GRIP1: variants seen among roughly 807,000 people sequenced by gnomAD.
GRIP1 encodes the protein glutamate receptor interacting protein 1.
In GRIP1, 45 loss-of-function variants were observed where a neutral mutation model predicts 129.9. The ratio of observed to expected loss-of-function variants is 0.35; its 90% CI spans 0.27 to 0.44. GRIP1 has a LOEUF of 0.44. GRIP1 is among the 20% of genes least tolerant of loss of function. GRIP1 has a pLI of 1.00. For synonymous variants in GRIP1, 530 were observed against 520.8 expected (o/e 1.02, Z -0.24); for missense variants, 1,196 against 1,396.8 (o/e 0.86, Z 2.29).
chr12:66,792,080 T>C lies in GRIP1; in HGVS notation c.-420+11973A>G, dbSNP rs370291436. ...TGAAACTTTTGAGGAGAAAAATAGA[T>C]ACAAAAATAGAGAAAGAACCTGATA... is the stretch of plus-strand genomic sequence containing the variant. On this transcript the variant is annotated intron_variant, in intron 1 of 4. Transcript: ENST00000538373. Among the ~76,000 whole-genome samples the C allele has an allele frequency of 7.1e-4, 108 of 152,196 alleles. 2 individuals carry two copies. The highest frequency in any genetic ancestry group is 3.4e-3 in the Middle Eastern group (1 of 294).
chr12:66,559,309 A>G (rs536187843), intron 2 of GRIP1, among the ~76,000 whole-genome samples: 10 of 152,316 alleles, frequency 6.6e-5, no homozygotes, highest in African/African-American at 2.2e-4. Context: ...CTGTTATTCA[A>G]CATAGTACTG....
At chr12:66,737,958 G>C (rs536850430) in intron 1 of GRIP1, among the ~76,000 whole-genome samples, 1 of 152,248 alleles carries the variant, frequency 6.6e-6, no homozygotes, top group East Asian at 1.9e-4. Flanking sequence ...ATACTAATGG[G>C]AGCTGACCAG....
chr12:66,387,429 C>T (rs2056403755), intron 19 of GRIP1, among the ~76,000 whole-genome samples: 1 of 152,178 alleles, frequency 6.6e-6, no homozygotes, highest in African/African-American at 2.4e-5. Context: ...TGTTTGGTAC[C>T]TTGGAAACAG....
At chr12:66,637,763 CA>C (rs2031541944) in intron 1 of GRIP1, among the ~76,000 whole-genome samples, 1 of 152,044 alleles carries the variant, frequency 6.6e-6, no homozygotes, top group Admixed American at 6.6e-5. Flanking sequence ...AATTTTCCAG[CA>C]TATCTGTCTA....
chr12:66,349,280 GT>G, intron 24 of GRIP1, 34 bp from the exon 25 acceptor site: 1 of 1,517,438 alleles, frequency 6.6e-7, no homozygotes, highest in South Asian at 1.1e-5. Flanking sequence ...TTGAATTATC[GT>G]TGTAACCATA....
chr12:66,957,979 T>C (rs1399569972), intron 1 of GRIP1, among the ~76,000 whole-genome samples: 3 of 152,162 alleles, frequency 2.0e-5, no homozygotes, highest in Non-Finnish European at 4.4e-5. Flanking sequence ...GCTTATTCAA[T>C]TATGTATTTT....
intron 7 of GRIP1, among the ~76,000 whole-genome samples, chr12:66,498,491 G>A (rs78785137): frequency 0.012 from 1,846 of 152,204 alleles, 43 homozygotes; most frequent in East Asian, 0.1. Context: ...TTTTCTACCT[G>A]GGCAAGTTAT....
At chr12:67,047,871 C>T (rs1336179200) in intron 1 of GRIP1, among the ~76,000 whole-genome samples, 1 of 152,198 alleles carries the variant, frequency 6.6e-6, no homozygotes, top group East Asian at 1.9e-4. Context: ...TTCTCCAAAG[C>T]ACTACCTGTT....
chr12:66,810,567 A>G (rs933735445), intron 1 of GRIP1, among the ~76,000 whole-genome samples: 2 of 146,222 alleles, frequency 1.4e-5, no homozygotes, highest in African/African-American at 5.2e-5. Flanking sequence ...CAAGGAAAAA[A>G]AAGAGTTTTT....
chr12:66,525,281 A>G (rs7958619), intron 5 of GRIP1, among the ~76,000 whole-genome samples: 1 of 151,562 alleles, frequency 6.6e-6, no homozygotes, highest in Admixed American at 6.6e-5. Flanking sequence ...AAAATCCTCA[A>G]TAAAATACTG....
At chr12:66,667,474 A>T (rs1165043063) in intron 1 of GRIP1, among the ~76,000 whole-genome samples, 1 of 152,204 alleles carries the variant, frequency 6.6e-6, no homozygotes, top group East Asian at 1.9e-4. Context: ...AAAGATGTCA[A>T]TGATCCCTAG....
intron 1 of GRIP1, among the ~76,000 whole-genome samples, chr12:66,866,553 T>C (rs538146782): frequency 3.0e-4 from 45 of 152,298 alleles, no homozygotes; most frequent in Non-Finnish European, 4.7e-4. Context: ...TACTAATTGA[T>C]AGCACAACAG....
At chr12:66,868,820 G>A (rs1592916361) in intron 1 of GRIP1, among the ~76,000 whole-genome samples, 2 of 152,120 alleles carry the variant, frequency 1.3e-5, no homozygotes, top group African/African-American at 4.8e-5. Context: ...CCCAGGAGTG[G>A]TTGGAATACA....
Position 66,583,946 on chromosome 12 carries a change from G to T in GRIP1, c.136+12901C>A, listed in dbSNP as rs901170474. Among the ~76,000 whole-genome samples the T allele has an allele frequency of 1.7e-4, 24 of 138,736 alleles. 1 individual carries two copies. Among genetic ancestry groups the T allele is most frequent in the African/African-American group, 6.1e-4 (23 of 37,924 alleles). The allele number at this position is 138,736 out of a possible 152,430, so 91.0% of individuals were successfully genotyped here. A position where few individuals can be genotyped will look rare whatever the true frequency, so the allele number is the denominator to read the frequency against. The stretch of plus-strand genomic sequence containing the variant: ...GGACTATAAATCATGCTGCTATAAA[G>T]ACACATGCACACGTATGTTTATTGC... On this transcript the variant is annotated intron_variant, in intron 2 of 24. Coordinates refer to ENST00000359742, the MANE Select transcript of GRIP1 (RefSeq NM_001366722.1).
In GRIP1 at chr12:66,941,988, T is replaced by C. The variant is rs181397510; in HGVS notation, c.58+127062A>G. Among the ~76,000 whole-genome samples, 135 of 152,314 alleles carry C rather than the reference T, an allele frequency of 8.9e-4. 1 individual carries two copies. Among genetic ancestry groups the C allele is most frequent in the South Asian group, 8.3e-3 (40 of 4,824 alleles). On this transcript the variant is annotated intron_variant, in intron 1 of 1. Coordinates refer to the GRIP1 transcript ENST00000643019. ...CAGGCACTACCCATAGAGGAATCAA[T>C]AAAACAGAATTTCTACTCTGAAACC...
At chr12:66,975,251 G>T (rs1315758801) in intron 1 of GRIP1, among the ~76,000 whole-genome samples, 1 of 152,184 alleles carries the variant, frequency 6.6e-6, no homozygotes, top group Non-Finnish European at 1.5e-5. Context: ...TAGTGAAGGA[G>T]AAACAGCATG....
chr12:66,548,727 G>A (rs537231786), intron 2 of GRIP1, among the ~76,000 whole-genome samples: 1 of 152,298 alleles, frequency 6.6e-6, no homozygotes, highest in East Asian at 1.9e-4. Flanking sequence ...TGTTTGATTG[G>A]TGGATGTTGA....
intron 5 of GRIP1, among the ~76,000 whole-genome samples, chr12:66,524,490 GAC>G (rs2061149255): frequency 6.6e-6 from 1 of 152,134 alleles, no homozygotes; most frequent in Admixed American, 6.6e-5. Flanking sequence ...TGAGAACAAA[GAC>G]ACAACATACC....
intron 7 of GRIP1, among the ~76,000 whole-genome samples, chr12:66,503,956 A>T (rs2060459157): frequency 6.6e-6 from 1 of 152,148 alleles, no homozygotes; most frequent in Non-Finnish European, 1.5e-5. Flanking sequence ...GCTGTCTTGG[A>T]GCTAGGCTGG....
Sources: allele counts gnomAD v4.1 joint callset (sites outside exome capture counted in the v4.1 genomes callset), GRCh38; gene constraint gnomAD v4.1.1; transcripts MANE v1.5; gene names NCBI Gene and HGNC (gene_info 2026-07-23, HGNC 2026-07-21).